Variants in AFAP1 observed in about 807,000 individuals in gnomAD.
AFAP1 encodes actin filament associated protein 1.
AFAP1 carries 75 observed loss-of-function variants against 93.9 expected under a neutral mutation model. The observed-to-expected ratio is 0.80, with a 90% CI of 0.66 to 0.97. The LOEUF is 0.97. Ranked by LOEUF, AFAP1 falls within the 50% of genes least tolerant of loss-of-function variation. The probability of loss-of-function intolerance (pLI) is 0.00; values close to 1 mark genes in which losing one functional copy is unlikely to be tolerated. For synonymous variants in AFAP1, 517 were observed against 430.7 expected (o/e 1.20, Z -2.48); for missense variants, 1,201 against 1,050.8 (o/e 1.14, Z -1.98).
At chr4:7,817,765 T>TTAA (rs528520712) in intron 7 of AFAP1, among the ~76,000 whole-genome samples, 1 of 146,120 alleles carries the variant, frequency 6.8e-6, no homozygotes, top group Non-Finnish European at 1.5e-5. Flanking sequence ...AAAGGTTAAG[T>TTAA]AAAAAAAAAA....
intron 1 of AFAP1, among the ~76,000 whole-genome samples, chr4:7,924,240 G>A (rs1009422774): frequency 4.6e-5 from 7 of 152,162 alleles, no homozygotes; most frequent in African/African-American, 1.7e-4. Context: ...GGCTGACCTA[G>A]CAAACCTCCA....
intron 10 of AFAP1, among the ~76,000 whole-genome samples, chr4:7,796,080 C>T (rs1394872435): frequency 1.3e-5 from 2 of 152,154 alleles, no homozygotes; most frequent in African/African-American, 2.4e-5. Context: ...TATGTATCCA[C>T]ATCCACACAT....
intron 1 of AFAP1, among the ~76,000 whole-genome samples, chr4:7,879,739 T>C (rs552984723): frequency 8.2e-4 from 122 of 149,614 alleles, no homozygotes; most frequent in African/African-American, 2.7e-3. Flanking sequence ...TCTCTCTCTG[T>C]TGCCCAGGCT....
At chr4:7,885,298 C>T (rs1169650701) in intron 1 of AFAP1, among the ~76,000 whole-genome samples, 1 of 152,228 alleles carries the variant, frequency 6.6e-6, no homozygotes, top group Non-Finnish European at 1.5e-5. Context: ...ATCACGCCTG[C>T]TTCTGCCCCA....
chr4:7,831,883 G>A (rs527623178), intron 6 of AFAP1, among the ~76,000 whole-genome samples: 6 of 152,176 alleles, frequency 3.9e-5, no homozygotes, highest in South Asian at 2.1e-4. Flanking sequence ...CCCTCCTTAC[G>A]GAAGGGATGG....
intron 1 of AFAP1, among the ~76,000 whole-genome samples, chr4:7,927,404 G>C (rs1720825447): frequency 6.6e-6 from 1 of 152,208 alleles, no homozygotes; most frequent in Non-Finnish European, 1.5e-5. Context: ...GCTGTAAAAG[G>C]ATCACAATAA....
intron 1 of AFAP1, among the ~76,000 whole-genome samples, chr4:7,872,748 C>G (rs1393294136): frequency 6.6e-6 from 1 of 152,032 alleles, no homozygotes; most frequent in Non-Finnish European, 1.5e-5. Flanking sequence ...TCAGGGAGCC[C>G]ACAAGGCCCG....
intron 16 of AFAP1, 196 bp downstream of exon 16, chr4:7,772,624 T>G: frequency 3.5e-6 from 2 of 574,394 alleles, no homozygotes; most frequent in Admixed American, 3.2e-5. Flanking sequence ...CAGCGAGAGG[T>G]GAGAAAGCAT....
At chr4:7,879,658 A>C (rs1560217031) in intron 1 of AFAP1, among the ~76,000 whole-genome samples, 1 of 151,750 alleles carries the variant, frequency 6.6e-6, no homozygotes, top group Non-Finnish European at 1.5e-5. Context: ...TCTTCCTAGC[A>C]AAAGGCCTCT....
intron 1 of AFAP1, among the ~76,000 whole-genome samples, chr4:7,878,979 C>G (rs1717683051): frequency 6.6e-6 from 1 of 152,174 alleles, no homozygotes; most frequent in Non-Finnish European, 1.5e-5. Flanking sequence ...AGGCTAGCTA[C>G]ACAAGTTATA....
intron 7 of AFAP1, among the ~76,000 whole-genome samples, chr4:7,817,765 T>TA (rs10623745): frequency 0.021 from 3,127 of 145,952 alleles, 62 homozygotes; most frequent in African/African-American, 0.049. Context: ...AAAGGTTAAG[T>TA]AAAAAAAAAA....
rs1401877673 is a variant in AFAP1 at position 7,939,854 on chromosome 4, G to A, written c.-201C>T. ...TGCAGCCGGCGTGGGGCTGCGGCCGGGACAGACACCACGCAGGCGCACACG... is the reference window on the plus strand; with the variant it reads ...TGCAGCCGGCGTGGGGCTGCGGCCGAGACAGACACCACGCAGGCGCACACG... On this transcript the variant is annotated 5_prime_UTR_variant, in exon 1 of 18. Coordinates refer to ENST00000420658, the MANE Select transcript of AFAP1 (RefSeq NM_001134647.2). This position sits in a 1 kb window ranked among gnomAD's most constrained non-coding sequence, Gnocchi z 5.6. The A allele has an allele frequency of 4.1e-6, 1 of 241,108 alleles. No homozygotes were observed. Among genetic ancestry groups the A allele is most frequent in the South Asian group, 3.8e-5 (1 of 26,228 alleles). 14.9% of individuals were successfully genotyped at this position (241,108 alleles called of 1,614,324 possible).
chr4:7,792,957 T>C (rs1194108420), intron 11 of AFAP1, among the ~76,000 whole-genome samples: 4 of 152,198 alleles, frequency 2.6e-5, no homozygotes, highest in African/African-American at 4.8e-5. Context: ...TGATCACTAA[T>C]GCAAATGTCC....
chr4:7,905,924 C>T (rs1057036205), intron 1 of AFAP1, among the ~76,000 whole-genome samples: 5 of 152,204 alleles, frequency 3.3e-5, no homozygotes, highest in Admixed American at 6.5e-5. Flanking sequence ...GAGCACCTTC[C>T]GCAGGGGGAC....
intron 1 of AFAP1, among the ~76,000 whole-genome samples, chr4:7,918,345 C>A (rs1720212051): frequency 7.0e-6 from 1 of 143,004 alleles, no homozygotes; most frequent in African/African-American, 2.6e-5. Context: ...ACAGGGCTGC[C>A]GGAAGAGACA....
rs569429621 is a variant in AFAP1, at chr4:7,850,500, A to G, written c.334+4966T>C. Among the ~76,000 whole-genome samples the G allele has an allele frequency of 1.3e-3, 193 of 152,258 alleles. 1 individual carries two copies. The highest frequency in any genetic ancestry group is 2.4e-3 in the Non-Finnish European group (162 of 68,044). On this transcript the variant is annotated intron_variant, in intron 4 of 17. Transcript: ENST00000420658. ...AAAACTGAAATCTGTGTCTGAAACC[A>G]AAACAGCCAATGAGCGTTGTAGTGA...
chr4:7,767,625 A>C, intron 17 of AFAP1, among the ~76,000 whole-genome samples: 1 of 152,122 alleles, frequency 6.6e-6, no homozygotes, highest in East Asian at 1.9e-4. Flanking sequence ...CAGTACACGG[A>C]TCTGCTATGG....
At chr4:7,899,884 A>AT (rs1553853500) in intron 1 of AFAP1, among the ~76,000 whole-genome samples, 7 of 151,450 alleles carry the variant, frequency 4.6e-5, no homozygotes, top group East Asian at 1.9e-4. Context: ...AAATAAATAA[A>AT]AAAGGAAGGG....
Position 7,841,454 on chromosome 4 carries a change from T to A in AFAP1, c.546+1685A>T, listed in dbSNP as rs376248349. The stretch of plus-strand genomic sequence containing the variant: ...AAGCGGGAATCTAGGTACATCACAG[T>A]ACCCACCCCAGAGCTACCTGAGCAC... On this transcript the variant is annotated intron_variant, in intron 5 of 17. Coordinates refer to ENST00000420658, the MANE Select transcript of AFAP1 (RefSeq NM_001134647.2). Among the ~76,000 whole-genome samples the A allele has an allele frequency of 1.2e-4, 18 of 152,248 alleles. No homozygotes were observed. In the South Asian group the frequency reaches 3.3e-3, roughly 28 times the overall value.
Sources: gnomAD v4.1 joint callset for allele counts (sites outside exome capture counted in the v4.1 genomes callset) on GRCh38, gnomAD v4.1.1 for gene constraint, Gnocchi (gnomAD v3.1) non-coding constraint, MANE v1.5 for transcripts, NCBI Gene and HGNC (gene_info 2026-07-23, HGNC 2026-07-21) for gene names.